The following PDE1A variants were observed in gnomAD, a reference collection of about 807,000 sequenced individuals.
The protein encoded by PDE1A is dual specificity calcium/calmodulin-dependent 3',5'-cyclic nucleotide phosphodiesterase 1A.
Under a neutral mutation model 61.7 loss-of-function variants are expected in PDE1A, and 35 were observed. The ratio of observed to expected loss-of-function variants is 0.57; its 90% CI spans 0.43 to 0.75. PDE1A has a LOEUF of 0.75. PDE1A is among the 30% of genes least tolerant of loss of function. The probability of loss-of-function intolerance (pLI) is 0.00; values close to 1 mark genes in which losing one functional copy is unlikely to be tolerated. For synonymous variants in PDE1A, 232 were observed against 213.2 expected (o/e 1.09, Z -0.77); for missense variants, 597 against 630.6 (o/e 0.95, Z 0.57).
downstream of PDE1A, chr2:182,146,985 G>T: frequency 2.5e-6 from 2 of 788,794 alleles, no homozygotes; most frequent in Non-Finnish European, 4.1e-6. Context: ...ATGGTATTCT[G>T]CAAACCATTT....
chr2:182,645,021 T>C, the PDE1A span, among the ~76,000 whole-genome samples: 1 of 150,218 alleles, frequency 6.7e-6, no homozygotes, highest in East Asian at 1.9e-4. Flanking sequence ...AGTCTCGCTC[T>C]GTTGCCCAGG....
At chr2:182,143,113 G>A (rs1445180273), downstream of PDE1A, 1 of 152,150 alleles carries the variant, frequency 6.6e-6, no homozygotes, top group Non-Finnish European at 1.5e-5. Flanking sequence ...GCTAGTCAAA[G>A]AGTACAAAAT....
At chr2:182,443,241 T>C (rs569877038) in intron 2 of PDE1A, among the ~76,000 whole-genome samples, 3 of 152,026 alleles carry the variant, frequency 2.0e-5, no homozygotes, top group Non-Finnish European at 4.4e-5. Flanking sequence ...AAAACTCCCA[T>C]TTGCTTAAAA....
At chr2:182,207,218 T>C (rs1209383081) in intron 7 of PDE1A, among the ~76,000 whole-genome samples, 1 of 152,192 alleles carries the variant, frequency 6.6e-6, no homozygotes, top group African/African-American at 2.4e-5. Flanking sequence ...ACCAAAATAC[T>C]GATAGTGATA....
At chr2:182,483,277 G>A (rs1223734682) in intron 2 of PDE1A, among the ~76,000 whole-genome samples, 1 of 151,674 alleles carries the variant, frequency 6.6e-6, no homozygotes, top group East Asian at 1.9e-4. Context: ...AGAAAAACTA[G>A]ACAGAAAAAA....
At chr2:182,709,264 C>A in the PDE1A span, among the ~76,000 whole-genome samples, 1 of 152,070 alleles carries the variant, frequency 6.6e-6, no homozygotes, top group Non-Finnish European at 1.5e-5. Context: ...CCATATTGCT[C>A]ATATAACTCA....
intron 2 of PDE1A, among the ~76,000 whole-genome samples, chr2:182,487,543 A>C (rs1166235933): frequency 6.6e-6 from 1 of 152,194 alleles, no homozygotes; most frequent in African/African-American, 2.4e-5. Context: ...ACATCTATAA[A>C]ATTGAAAACT....
Position 182,361,530 on chromosome 2 carries a change from T to C in PDE1A, c.53+65048A>G, listed in dbSNP as rs190070848. 4.8e-3 allele frequency among the ~76,000 whole-genome samples: 723 copies of C among 152,162 alleles called. 7 individuals carry two copies. Among genetic ancestry groups the C allele is most frequent in the African/African-American group, 0.017 (697 of 41,548 alleles). The stretch of plus-strand genomic sequence containing the variant: ...AGCACACAGCTAAATATTTAGAGGA[T>C]AAGGAAAAAATATGAATGGCCAGGT... On this transcript the variant is annotated intron_variant, in intron 1 of 13. Transcript: ENST00000351439.
At chr2:182,622,632 C>T in the PDE1A span, among the ~76,000 whole-genome samples, 11 of 152,128 alleles carry the variant, frequency 7.2e-5, no homozygotes, top group Admixed American at 7.2e-4. Context: ...CAAATTGGTT[C>T]ATACCATCCT....
At chr2:182,219,706 T>A (rs1688557585) in intron 7 of PDE1A, among the ~76,000 whole-genome samples, 1 of 152,070 alleles carries the variant, frequency 6.6e-6, no homozygotes. Flanking sequence ...AAGTCCTAGT[T>A]ATAACCTAGC....
At chr2:182,434,759 C>T (rs113374214) in intron 2 of PDE1A, among the ~76,000 whole-genome samples, 3 of 151,872 alleles carry the variant, frequency 2.0e-5, no homozygotes, top group African/African-American at 7.3e-5. Flanking sequence ...TGTTTTCTAC[C>T]TCAGGGGAAA....
chr2:182,149,505 A>G (rs2125269306), intron 13 of PDE1A, among the ~76,000 whole-genome samples: 1 of 152,314 alleles, frequency 6.6e-6, no homozygotes, highest in African/African-American at 2.4e-5. Context: ...GAAAACTAAA[A>G]TTCCAGCTCT....
chr2:182,367,124 T>G (rs1699877664), intron 1 of PDE1A, among the ~76,000 whole-genome samples: 1 of 152,018 alleles, frequency 6.6e-6, no homozygotes, highest in Non-Finnish European at 1.5e-5. Flanking sequence ...TTTATAAAAT[T>G]TTCAAGTTAG....
the PDE1A span, among the ~76,000 whole-genome samples, chr2:182,573,871 G>A: frequency 7.2e-6 from 1 of 138,132 alleles, no homozygotes; most frequent in African/African-American, 2.9e-5. Context: ...ATATACATAT[G>A]TATATATATT....
chr2:182,382,276 A>C (rs1314486892), intron 1 of PDE1A, among the ~76,000 whole-genome samples: 1 of 152,246 alleles, frequency 6.6e-6, no homozygotes, highest in Non-Finnish European at 1.5e-5. Flanking sequence ...GCAGAAGAGC[A>C]AATAAGAAAG....
intron 2 of PDE1A, among the ~76,000 whole-genome samples, chr2:182,455,456 A>C (rs945362299): frequency 6.6e-6 from 1 of 152,182 alleles, no homozygotes; most frequent in African/African-American, 2.4e-5. Flanking sequence ...ACACATGCAC[A>C]TGTATGTTTA....
intron 6 of PDE1A, 57 bp from the exon 7 acceptor site, chr2:182,224,021 T>C: frequency 8.2e-7 from 1 of 1,222,052 alleles, no homozygotes; most frequent in Non-Finnish European, 1.2e-6. Flanking sequence ...ATCTTTCCTT[T>C]CTTTGAAAAG....
chr2:182,573,874 T>C, the PDE1A span, among the ~76,000 whole-genome samples: 1 of 139,184 alleles, frequency 7.2e-6, no homozygotes, highest in African/African-American at 2.9e-5. Flanking sequence ...TACATATGTA[T>C]ATATATTAAT....
chr2:182,147,987 GTAATTAGTGGACATACAGAATTTA>G (rs1690582516), intron 13 of PDE1A, among the ~76,000 whole-genome samples: 2 of 152,172 alleles, frequency 1.3e-5, no homozygotes, highest in African/African-American at 4.8e-5. Flanking sequence ...TTGAGGTTAT[GTAATTAGTGGACATACAGAATTTA>G]TAAGGTGCTA....
Sources: allele counts gnomAD v4.1 joint callset (sites outside exome capture counted in the v4.1 genomes callset), GRCh38; gene constraint gnomAD v4.1.1; transcripts MANE v1.5; gene names NCBI Gene and HGNC (gene_info 2026-07-23, HGNC 2026-07-21).